The following SORCS2 variants were observed in gnomAD, a reference collection of about 807,000 sequenced individuals.
SORCS2 encodes VPS10 domain-containing receptor SorCS2.
In SORCS2, 100 loss-of-function variants were observed where a neutral mutation model predicts 141.6. That is an observed-to-expected ratio of 0.71 (90% CI 0.60 to 0.83). The LOEUF is 0.83. Among genes scored for constraint, SORCS2 ranks in the 40% least tolerant of loss-of-function variants. The pLI is 0.00. For synonymous variants in SORCS2, 789 were observed against 676.9 expected, an observed-to-expected ratio of 1.17 and a Z score of -2.57; for missense variants, 1,646 against 1,560.2, an observed-to-expected ratio of 1.05 and a Z score of -0.93.
At chr4:7,719,584 A>C (rs1186069174) in intron 18 of SORCS2, among the ~76,000 whole-genome samples, 1 of 151,714 alleles carries the variant, frequency 6.6e-6, no homozygotes, top group Non-Finnish European at 1.5e-5. Flanking sequence ...TAGGACCCAC[A>C]CTCCTCGGAG....
chr4:7,736,101 C>T (rs998025778), intron 25 of SORCS2, among the ~76,000 whole-genome samples: 1 of 152,280 alleles, frequency 6.6e-6, no homozygotes, highest in African/African-American at 2.4e-5. Context: ...CCCCAGTGGC[C>T]TGAGGCTTTA....
intron 1 of SORCS2, among the ~76,000 whole-genome samples, chr4:7,256,687 G>A (rs1420179370): frequency 1.3e-5 from 2 of 151,420 alleles, no homozygotes; most frequent in African/African-American, 2.4e-5. Flanking sequence ...AATAGTGGGG[G>A]AGCTGTGACA....
In SORCS2 at chr4:7,697,178, C is replaced by T; in HGVS notation, c.1592-20C>T. The T allele has an allele frequency of 6.4e-7, 1 of 1,558,810 alleles. No homozygotes were observed. Among genetic ancestry groups the T allele is most frequent in the Non-Finnish European group, 8.7e-7 (1 of 1,148,618 alleles). On this transcript the variant is annotated intron_variant, in intron 11 of 26. Coordinates refer to ENST00000507866, the MANE Select transcript of SORCS2 (RefSeq NM_020777.3). ...CTGGACGATCCTAAGGGTAGTACTGCCCCTTTTCTTTTGGACCAGGTAACC... is the reference window on the plus strand; with the variant it reads ...CTGGACGATCCTAAGGGTAGTACTGTCCCTTTTCTTTTGGACCAGGTAACC...
chr4:7,282,463 C>T (rs999415756), intron 1 of SORCS2, among the ~76,000 whole-genome samples: 1 of 152,158 alleles, frequency 6.6e-6, no homozygotes, highest in Non-Finnish European at 1.5e-5. Context: ...TATAAATGAA[C>T]TCAGTTTGTA....
At chr4:7,601,443 T>C (rs907580745) in intron 3 of SORCS2, among the ~76,000 whole-genome samples, 6 of 151,948 alleles carry the variant, frequency 3.9e-5, no homozygotes, top group African/African-American at 9.7e-5. Flanking sequence ...GTCATTATTA[T>C]ACTCTCTACA....
At chr4:7,490,925 C>T (rs1399800947) in intron 2 of SORCS2, among the ~76,000 whole-genome samples, 1 of 152,188 alleles carries the variant, frequency 6.6e-6, no homozygotes, top group African/African-American at 2.4e-5. Flanking sequence ...AGGGACGTAC[C>T]TGGCACGTGG....
intron 12 of SORCS2, among the ~76,000 whole-genome samples, chr4:7,697,698 G>A (rs1462690934): frequency 6.6e-6 from 1 of 152,162 alleles, no homozygotes; most frequent in Non-Finnish European, 1.5e-5. Flanking sequence ...GAGGCCAGGA[G>A]GGGGCTACGG....
At chr4:7,298,333 T>G (rs967088090) in intron 1 of SORCS2, among the ~76,000 whole-genome samples, 2 of 151,416 alleles carry the variant, frequency 1.3e-5, no homozygotes, top group African/African-American at 4.9e-5. Context: ...GGAAAGGGAG[T>G]ATGGGAAGTT....
chr4:7,236,042 G>A (rs1712245037), intron 1 of SORCS2, among the ~76,000 whole-genome samples: 1 of 152,234 alleles, frequency 6.6e-6, no homozygotes, highest in African/African-American at 2.4e-5. Context: ...TTCTAGTGGG[G>A]AGGAGGCATG....
intron 1 of SORCS2, among the ~76,000 whole-genome samples, chr4:7,218,998 CCCTTCCT>C (rs1337143541): frequency 6.1e-5 from 5 of 82,014 alleles, no homozygotes; most frequent in Admixed American, 2.2e-4. Context: ...ATATGCTAGG[CCCTTCCT>C]ACCTCAGAGC....
At chr4:7,584,072 A>T (rs1716367562) in intron 3 of SORCS2, among the ~76,000 whole-genome samples, 1 of 152,264 alleles carries the variant, frequency 6.6e-6, no homozygotes, top group Non-Finnish European at 1.5e-5. Flanking sequence ...GGACACTAAC[A>T]TAAGGTTTTA....
chr4:7,351,475 C>G (rs903184258), intron 1 of SORCS2, among the ~76,000 whole-genome samples: 4 of 152,196 alleles, frequency 2.6e-5, no homozygotes, highest in African/African-American at 9.7e-5. Context: ...ATCCTTCTCT[C>G]CTTTCTTTCT....
chr4:7,422,511 C>T (rs1275187215), intron 2 of SORCS2, among the ~76,000 whole-genome samples: 3 of 152,156 alleles, frequency 2.0e-5, no homozygotes, highest in African/African-American at 4.8e-5. Flanking sequence ...AAGTTTGAGA[C>T]CCCCTGCTGT....
At chr4:7,520,937 G>A (rs1253695873) in intron 2 of SORCS2, among the ~76,000 whole-genome samples, 1 of 152,236 alleles carries the variant, frequency 6.6e-6, no homozygotes, top group Non-Finnish European at 1.5e-5. Context: ...AACCCCTCTG[G>A]GGCATTGGTG....
At chr4:7,600,648 TATATATATACACAC>T (rs1265802836) in intron 3 of SORCS2, among the ~76,000 whole-genome samples, 1 of 92,766 alleles carries the variant, frequency 1.1e-5, no homozygotes, top group African/African-American at 5.3e-5. Context: ...ACGATATACA[TATATATATACACAC>T]ACACACACAC....
intron 12 of SORCS2, among the ~76,000 whole-genome samples, chr4:7,702,773 G>C (rs184858604): frequency 6.6e-6 from 1 of 152,382 alleles, no homozygotes; most frequent in African/African-American, 2.4e-5. Context: ...GGACTGAAGA[G>C]ACAATGACAG....
chr4:7,317,275 G>A (rs1430412837), intron 1 of SORCS2, among the ~76,000 whole-genome samples: 1 of 152,180 alleles, frequency 6.6e-6, no homozygotes, highest in Non-Finnish European at 1.5e-5. Context: ...CCTAGCCTGG[G>A]GGCATGGAGG....
intron 3 of SORCS2, among the ~76,000 whole-genome samples, chr4:7,554,749 A>G (rs1267618925): frequency 3.3e-5 from 5 of 152,206 alleles, no homozygotes; most frequent in African/African-American, 1.2e-4. Flanking sequence ...GAGGAAGAAC[A>G]TCCCAAAGAG....
chr4:7,486,575 G>T (rs539165268), intron 2 of SORCS2, among the ~76,000 whole-genome samples: 1 of 152,192 alleles, frequency 6.6e-6, no homozygotes, highest in Non-Finnish European at 1.5e-5. Flanking sequence ...GTAGCTTCCC[G>T]GGGCTGCCAG....
Sources: gnomAD v4.1 joint callset for allele counts (sites outside exome capture counted in the v4.1 genomes callset) on GRCh38, gnomAD v4.1.1 for gene constraint, MANE v1.5 for transcripts, NCBI Gene and HGNC (gene_info 2026-07-23, HGNC 2026-07-21) for gene names.